Variants in ARSD observed in about 807,000 individuals in gnomAD.
ARSD encodes the protein arylsulfatase D.
ARSD carries 21 observed loss-of-function variants against 32.6 expected under a neutral mutation model. The observed-to-expected ratio is 0.64, with a 90% CI of 0.46 to 0.93. The LOEUF is 0.93. Among genes scored for constraint, ARSD ranks in the 40% least tolerant of loss-of-function variants. The pLI is 0.00. For synonymous variants in ARSD, 224 were observed against 237.4 expected (o/e 0.94, Z 0.52); for missense variants, 454 against 520.9 (o/e 0.87, Z 1.25).
At chrX:2,929,075 C>G (rs2089123357) in intron 1 of ARSD, among the ~76,000 whole-genome samples, 157 bp downstream of exon 1, 1 of 112,496 alleles carries the variant, frequency 8.9e-6, no homozygotes, top group Admixed American at 9.3e-5. Flanking sequence ...CAGAACGCGC[C>G]TCCAGCTACA....
chrX:2,916,192 C>T (rs1163854704), intron 5 of ARSD, among the ~76,000 whole-genome samples: 1 of 102,712 alleles, frequency 9.7e-6, no homozygotes, highest in Non-Finnish European at 2.0e-5. Flanking sequence ...ACTATTCAGC[C>T]ATAAAAAAGA....
intron 5 of ARSD, among the ~76,000 whole-genome samples, chrX:2,916,189 A>G (rs143414152): frequency 0.041 from 4,401 of 106,253 alleles, 101 homozygotes; most frequent in Non-Finnish European, 0.064. Flanking sequence ...AATACTATTC[A>G]GCCATAAAAA....
At chrX:2,917,545 C>T (rs1388755929) in intron 5 of ARSD, among the ~76,000 whole-genome samples, 1 of 110,762 alleles carries the variant, frequency 9.0e-6, no homozygotes, top group Non-Finnish European at 1.9e-5. Context: ...GTGATCATTG[C>T]TTACTGCAGC....
In ARSD at chrX:2,904,855, G is replaced by A. The variant is rs2088840532; in HGVS notation, c.*2416C>T. The A allele has an allele frequency of 4.6e-6, 1 of 216,531 alleles. No individual in the cohort carries two copies. The highest frequency in any genetic ancestry group is 8.5e-6 in the Non-Finnish European group (1 of 117,062). The allele number at this position is 216,531 out of a possible 1,213,427, so 17.8% of individuals were successfully genotyped here. A position where few individuals can be genotyped will look rare whatever the true frequency, so the allele number is the denominator to read the frequency against. On this transcript the variant is annotated 3_prime_UTR_variant, in exon 10 of 10. Transcript: ENST00000381154. ...TGTTGAATACGGTGAAAGATGAGAT[G>A]GCTTTTAGCTGCCTCCACTCCCCGT...
chrX:2,916,300 G>A (rs1362859273), intron 5 of ARSD, among the ~76,000 whole-genome samples: 4 of 110,069 alleles, frequency 3.6e-5, no homozygotes, highest in African/African-American at 1.3e-4. Flanking sequence ...GACCAGCCTG[G>A]CCAACATGGT....
In ARSD at chrX:2,904,680, C is replaced by A; in HGVS notation, c.*2591G>T. The A allele has an allele frequency of 7.6e-6, 1 of 131,329 alleles. No individual in the cohort carries two copies. The highest frequency in any genetic ancestry group is 1.5e-5 in the Non-Finnish European group (1 of 66,066). 10.8% of individuals were successfully genotyped at this position (131,329 alleles called of 1,213,427 possible). ...TGCAAGAGCAGGTAGCTAGAAAGAG[C>A]CTGCCAGCCCTGGGCTTATATCCTG... On this transcript the variant is annotated 3_prime_UTR_variant, in exon 10 of 10. Transcript: ENST00000381154.
chrX:2,907,523 A>G lies in ARSD; in HGVS notation c.1530T>C (p.His510=). ...GGTCAAAGAGCAAAGGGGGTCTGTGATGGGTCACGCCCTCCCCGGAGCATG... is the reference window on the plus strand; with the variant it reads ...GGTCAAAGAGCAAAGGGGGTCTGTGGTGGGTCACGCCCTCCCCGGAGCATG... ...VCPCSGEGVT[H]HRPPLLFDLS... The change falls in exon 10 of 10, where the codon CAT becomes CAC. Residue 510 remains histidine, a synonymous_variant. Transcript: ENST00000381154. The G allele has an allele frequency of 1.7e-6, 2 of 1,194,556 alleles. No individual in the cohort carries two copies. The highest frequency in any genetic ancestry group is 3.7e-5 in the South Asian group (2 of 54,118).
chrX:2,910,749 T>C lies in ARSD; in HGVS notation c.1045A>G (p.Thr349Ala). Residue 349 changes from threonine to alanine, a missense_variant, in exon 7 of 10, where the codon ACA (threonine) becomes GCA (alanine). Transcript: ENST00000381154. ...TGGTCAGAGGTGAAATACGTGAATGTTGAGTTCTTTAAACCATTGTCTTCG... is the reference window on the plus strand; with the variant it reads ...TGGTCAGAGGTGAAATACGTGAATGCTGAGTTCTTTAAACCATTGTCTTCG... Reference protein sequence around the residue: ...AIEDNGLKNSTFTYFTSDHGG... With the variant: ...AIEDNGLKNSAFTYFTSDHGG... 8.3e-7 allele frequency: 1 copy of C among 1,211,800 alleles called. No homozygotes were observed.
rs73632974 is a variant in ARSD, at chrX:2,918,097, G to C, written c.570C>G (p.Pro190=). 5 of 1,199,659 alleles carry C rather than the reference G, an allele frequency of 4.2e-6. No individual in the cohort carries two copies. Among genetic ancestry groups the C allele is most frequent in the Non-Finnish European group, 5.6e-6 (5 of 889,455 alleles). ...GCGCCCTCAGGGCGGCGTCCACTTC[G>C]GGGGGCCTGCCTGGGTCACAGTCGT... ...LTNDCDPGRP[P]EVDAALRAQL... The change falls in exon 5 of 10, where the codon CCC becomes CCG. Residue 190 remains proline, a synonymous_variant. Coordinates refer to ENST00000381154, the MANE Select transcript of ARSD (RefSeq NM_001669.4).
chrX:2,914,383 C>A, intron 6 of ARSD: 1 of 486,869 alleles, frequency 2.1e-6, no homozygotes, highest in Non-Finnish European at 2.7e-6. Flanking sequence ...CAGGTGCACA[C>A]CACCATGGCT....
intron 3 of ARSD, among the ~76,000 whole-genome samples, chrX:2,921,217 T>C (rs904298494): frequency 8.9e-6 from 1 of 111,775 alleles, no homozygotes; most frequent in African/African-American, 3.3e-5. Flanking sequence ...CTATCACCTG[T>C]CACCTGTCTA....
chrX:2,911,882 T>C (rs774619054), intron 6 of ARSD, among the ~76,000 whole-genome samples: 1 of 110,776 alleles, frequency 9.0e-6, no homozygotes, highest in Admixed American at 9.6e-5. Flanking sequence ...ATGCCTGTCA[T>C]CCCAGCACTT....
At chrX:2,927,698 T>A (rs758041966) in intron 1 of ARSD, among the ~76,000 whole-genome samples, 33 of 112,381 alleles carry the variant, frequency 2.9e-4, no homozygotes, top group African/African-American at 8.4e-4. Context: ...CCAATCGGAC[T>A]GATTTCGGGT....
chrX:2,925,155 C>T (rs762723489), intron 2 of ARSD, among the ~76,000 whole-genome samples: 5 of 112,136 alleles, frequency 4.5e-5, no homozygotes, highest in South Asian at 3.7e-4. Context: ...ATCTTTACAG[C>T]GGGCAGGCCT....
intron 6 of ARSD, among the ~76,000 whole-genome samples, chrX:2,911,287 C>T (rs1248750119): frequency 1.5e-4 from 16 of 107,174 alleles, no homozygotes; most frequent in African/African-American, 4.8e-4. Flanking sequence ...GCAGGAGAAT[C>T]GCTTGAACCC....
chrX:2,913,662 G>C, intron 6 of ARSD: 1 of 988,534 alleles, frequency 1.0e-6, no homozygotes, highest in Non-Finnish European at 1.3e-6. Flanking sequence ...TCTCTGCATT[G>C]TCCGAACTTT....
rs755130343 is a variant in ARSD, at chrX:2,914,224, G to A, written c.1000+1332C>T. 1.3e-4 allele frequency: 99 copies of A among 747,625 alleles called. No homozygotes were observed. The Admixed American group carries it at 5.3e-3, about 40-fold the overall frequency. 61.6% of individuals were successfully genotyped at this position (747,625 alleles called of 1,213,427 possible). The stretch of plus-strand genomic sequence containing the variant: ...AGAGAAGTTTTTCTCCCTATTCTTC[G>A]TCTTTTATTTCTTTTTTTTTTTGGA... On this transcript the variant is annotated intron_variant, in intron 6 of 9. Transcript: ENST00000381154.
At chrX:2,914,741 C>T (rs201950971) in intron 6 of ARSD, 82 of 1,025,771 alleles carry the variant, frequency 8.0e-5, no homozygotes, top group Middle Eastern at 2.9e-4. Flanking sequence ...GCTTCACTTT[C>T]GGTAACTTCT....
At chrX:2,921,846 T>C (rs1409219962) in intron 3 of ARSD, 57 bp downstream of exon 3, 2 of 1,169,076 alleles carry the variant, frequency 1.7e-6, no homozygotes, top group Non-Finnish European at 2.3e-6. Context: ...CTGTTACAGA[T>C]GACAGAATGA....
Sources: gnomAD v4.1 joint callset for allele counts (sites outside exome capture counted in the v4.1 genomes callset) on GRCh38, gnomAD v4.1.1 for gene constraint, MANE v1.5 for transcripts, NCBI Gene and HGNC (gene_info 2026-07-23, HGNC 2026-07-21) for gene names.